UTP20: variants seen among roughly 807,000 people sequenced by gnomAD.
UTP20 encodes small subunit processome component 20 homolog.
In UTP20, 164 loss-of-function variants were observed where a neutral mutation model predicts 329.5. The observed-to-expected ratio is 0.50, with a 90% CI of 0.44 to 0.57. The LOEUF (loss-of-function observed/expected upper bound fraction) is 0.57. Ranked by LOEUF, UTP20 falls within the 20% of genes least tolerant of loss-of-function variation. The probability of loss-of-function intolerance (pLI) is 0.00; values close to 1 mark genes in which losing one functional copy is unlikely to be tolerated. For missense variants in UTP20, 3,055 were observed against 3,284.2 expected (o/e 0.93, Z 1.71); for synonymous variants, 1,151 against 1,159.3 (o/e 0.99, Z 0.14).
rs766714525 is a variant in UTP20 at position 101,340,594 on chromosome 12, G to A, written c.4085G>A (p.Arg1362His). Reference protein sequence around the residue: ...LITLLLPFLHRGNIAEDTEVD... With the variant: ...LITLLLPFLHHGNIAEDTEVD... ...ACGCTTCTCCTTCCATTCCTCCACC[G>A]TGGCAATATTGCTGAGGTACAAACT... The change falls in exon 32 of 62, where the codon CGT (arginine) becomes CAT (histidine). Residue 1362 changes from arginine to histidine, a missense_variant. Transcript: ENST00000261637. 3.1e-6 allele frequency: 5 copies of A among 1,610,130 alleles called. No individual in the cohort carries two copies. The highest frequency in any genetic ancestry group is 2.2e-5 in the East Asian group (1 of 44,816).
At chr12:101,361,679 A>C (rs1869927206) in intron 43 of UTP20, among the ~76,000 whole-genome samples, 1 of 149,252 alleles carries the variant, frequency 6.7e-6, no homozygotes, top group African/African-American at 2.5e-5. Flanking sequence ...AAATAAATAA[A>C]GTTCAAGACT....
chr12:101,352,514 G>C (rs1213382703), intron 39 of UTP20, among the ~76,000 whole-genome samples: 2 of 141,324 alleles, frequency 1.4e-5, no homozygotes, highest in Non-Finnish European at 3.1e-5. Context: ...CCTTTGTATG[G>C]ACATGGATGA....
chr12:101,286,490 G>C lies in UTP20; in HGVS notation c.496G>C (p.Asp166His). The change falls in exon 5 of 62, where the codon GAC becomes CAC. Residue 166 changes from aspartate (D) to histidine (H), a missense_variant. By Grantham distance (81) the Asp-to-His change is moderately conservative. Around this residue, in one of 3 missense-constraint regions of UTP20, gnomAD observed 2,445 missense variants for 2,575.5 expected, o/e 0.95. Transcript: ENST00000261637. ...YKYLWRLMVK[D>H]MSSIYSMYST... Reference sequence around the variant, plus strand: ...GTACCTGTGGAGACTGATGGTGAAGGACATGTCCAGTATATACAGGTAACC... The same window carrying C: ...GTACCTGTGGAGACTGATGGTGAAGCACATGTCCAGTATATACAGGTAACC... 1 of 1,612,022 alleles carries C rather than the reference G, an allele frequency of 6.2e-7. No homozygotes were observed. The highest frequency in any genetic ancestry group is 8.5e-7 in the Non-Finnish European group (1 of 1,179,020).
intron 14 of UTP20, among the ~76,000 whole-genome samples, chr12:101,301,056 A>T (rs1262118040): frequency 1.3e-5 from 2 of 152,094 alleles, no homozygotes; most frequent in Non-Finnish European, 2.9e-5. Context: ...ACATATATAT[A>T]TTTTTTTAAA....
At chr12:101,284,904 G>C (rs1440845477) in intron 2 of UTP20, among the ~76,000 whole-genome samples, 1 of 152,046 alleles carries the variant, frequency 6.6e-6, no homozygotes, top group East Asian at 1.9e-4. Flanking sequence ...ATTGAATCCT[G>C]CCATACCCTC....
In UTP20 at chr12:101,364,158, G is replaced by A. The variant is rs185614522; in HGVS notation, c.5958+415G>A. On this transcript the variant is annotated intron_variant, in intron 45 of 61. Transcript: ENST00000261637. ...ATGGTGGCTCACACCTGTAATTCCA[G>A]CAATTTGGAAAGCCAAGGCGGGAGG... Among the ~76,000 whole-genome samples the A allele has an allele frequency of 1.6e-3, 251 of 152,266 alleles. 3 individuals carry two copies. Among genetic ancestry groups the A allele is most frequent in the Non-Finnish European group, 6.8e-4 (46 of 68,022 alleles).
intron 59 of UTP20, 44 bp from the exon 60 acceptor site, chr12:101,383,499 T>C: frequency 6.3e-7 from 1 of 1,598,742 alleles, no homozygotes; most frequent in Non-Finnish European, 8.5e-7. Flanking sequence ...GATTGAGTGC[T>C]AAAGAGAAGT....
At position 101,374,867 on chromosome 12, in the gene UTP20, T is replaced by G; in HGVS notation, c.7191T>G (p.Val2397=). Reference sequence around the variant, plus strand: ...GCTTGTTTGTGGAAAGTGAAGGAGTTGATTTTGAGAAAAGACTTGGAACTG... The same window carrying G: ...GCTTGTTTGTGGAAAGTGAAGGAGTGGATTTTGAGAAAAGACTTGGAACTG... The part of the protein sequence containing the change: ...ICGLFVESEG[V]DFEKRLGTVL... Residue 2397 remains valine (V), a synonymous_variant, in exon 55 of 62, where the codon GTT becomes GTG. Coordinates refer to ENST00000261637, the MANE Select transcript of UTP20 (RefSeq NM_014503.3). The G allele has an allele frequency of 3.9e-6, 6 of 1,557,858 alleles. No homozygotes were observed. Among genetic ancestry groups the G allele is most frequent in the Non-Finnish European group, 5.3e-6 (6 of 1,128,754 alleles).
rs1258639332 is a variant in UTP20 at position 101,381,172 on chromosome 12, A to G, written c.7617A>G (p.Gln2539=). The part of the protein sequence containing the change: ...MKSISLASCH[Q]LHSKFLDQSL... ...GTATCTCTCTCGCCTCTTGCCATCAATTGCATTCCAAATTCTTGGATCAGT... is the reference window on the plus strand; with the variant it reads ...GTATCTCTCTCGCCTCTTGCCATCAGTTGCATTCCAAATTCTTGGATCAGT... Residue 2539 remains glutamine (Q), a synonymous_variant, in exon 58 of 62, where the codon CAA becomes CAG. Coordinates refer to ENST00000261637, the MANE Select transcript of UTP20 (RefSeq NM_014503.3). The G allele has an allele frequency of 5.6e-6, 9 of 1,614,070 alleles. No homozygotes were observed. Among genetic ancestry groups the G allele is most frequent in the East Asian group, 4.5e-5 (2 of 44,882 alleles).
chr12:101,290,022 C>T (rs769990020), intron 6 of UTP20, 115 bp from the exon 7 acceptor site: 5 of 816,220 alleles, frequency 6.1e-6, no homozygotes, highest in Non-Finnish European at 8.8e-6. Context: ...GTTCTTTTCA[C>T]AATTTTTTCC....
intron 22 of UTP20, among the ~76,000 whole-genome samples, chr12:101,318,508 G>A (rs988309642): frequency 6.6e-6 from 1 of 152,110 alleles, no homozygotes; most frequent in African/African-American, 2.4e-5. Context: ...ATTTTTATAG[G>A]AGAAATATTT....
intron 1 of UTP20, 128 bp downstream of exon 1, chr12:101,280,455 G>A: frequency 1.8e-6 from 2 of 1,130,570 alleles, no homozygotes; most frequent in South Asian, 1.4e-5. Context: ...AGGCTCCGGC[G>A]AAAGAGGGAG....
intron 28 of UTP20, among the ~76,000 whole-genome samples, chr12:101,334,034 C>T (rs1160436576): frequency 1.3e-5 from 2 of 152,210 alleles, no homozygotes; most frequent in Non-Finnish European, 2.9e-5. Flanking sequence ...GGAAAACACC[C>T]AGGTGTTTTT....
intron 36 of UTP20, 120 bp from the exon 37 acceptor site, chr12:101,345,434 T>C (rs1869290247): frequency 4.1e-6 from 2 of 491,656 alleles, no homozygotes; most frequent in Non-Finnish European, 6.5e-6. Context: ...CAATCCTGAC[T>C]TTTTTTTTTA....
chr12:101,361,816 A>T (rs569249644), intron 43 of UTP20, 146 bp from the exon 44 acceptor site: 1 of 644,334 alleles, frequency 1.6e-6, no homozygotes, highest in African/African-American at 1.8e-5. Flanking sequence ...AGATAGTGAA[A>T]TAACTATGTG....
At chr12:101,310,342 G>A (rs1256699658) in intron 19 of UTP20, among the ~76,000 whole-genome samples, 2 of 152,016 alleles carry the variant, frequency 1.3e-5, no homozygotes, top group African/African-American at 4.8e-5. Flanking sequence ...TTGGGCGGCT[G>A]AGGCAGGTGG....
chr12:101,385,512 GT>G, intron 60 of UTP20, 70 bp from the exon 61 acceptor site: 1 of 1,513,230 alleles, frequency 6.6e-7, no homozygotes, highest in East Asian at 2.3e-5. Flanking sequence ...TGTACATATT[GT>G]TGATTTTGTT....
chr12:101,295,147 C>T (rs891072175), intron 11 of UTP20, among the ~76,000 whole-genome samples: 1 of 152,062 alleles, frequency 6.6e-6, no homozygotes, highest in African/African-American at 2.4e-5. Flanking sequence ...AGTTTAGTCT[C>T]TAATTTTGGT....
rs751625988 is a variant in UTP20 at position 101,343,100 on chromosome 12, T to C, written c.4449+7T>C. On this transcript the variant is annotated splice_region_variant and intron_variant, in intron 35 of 61. Coordinates refer to ENST00000261637, the MANE Select transcript of UTP20 (RefSeq NM_014503.3). ...TTGTTTCTATAATCTAGAGGTAGGT[T>C]ATTATAGCAAAATTTTTAAATTATT... The C allele has an allele frequency of 6.4e-7, 1 of 1,572,792 alleles. No homozygotes were observed. Among genetic ancestry groups the C allele is most frequent in the Non-Finnish European group, 8.7e-7 (1 of 1,155,938 alleles).
Sources: allele counts gnomAD v4.1 joint callset (sites outside exome capture counted in the v4.1 genomes callset), GRCh38; gene constraint gnomAD v4.1.1; regional missense constraint gnomAD v4.1.1; transcripts MANE v1.5; gene names NCBI Gene and HGNC (gene_info 2026-07-23, HGNC 2026-07-21).